Variants in CFAP20 observed in about 807,000 individuals in gnomAD.
CFAP20 encodes cilia- and flagella-associated protein 20.
In CFAP20, 14 loss-of-function variants were observed where a neutral mutation model predicts 25.5. The ratio of observed to expected loss-of-function variants is 0.55; its 90% CI spans 0.36 to 0.86. CFAP20 has a LOEUF of 0.86. Among genes scored for constraint, CFAP20 ranks in the 40% least tolerant of loss-of-function variants. CFAP20 has a pLI of 0.01. For synonymous variants in CFAP20, 75 were observed against 91.1 expected (o/e 0.82, Z 1.01); for missense variants, 181 against 248.0 (o/e 0.73, Z 1.81).
intron 1 of CFAP20, among the ~76,000 whole-genome samples, chr16:58,126,272 A>G (rs1264626264): frequency 6.6e-6 from 1 of 152,206 alleles, no homozygotes; most frequent in Non-Finnish European, 1.5e-5. Context: ...CAAGTTCTCA[A>G]TGAAAAGAAT....
In CFAP20 at chr16:58,113,883, A is replaced by G. The variant is rs776884914; in HGVS notation, c.*142T>C. The G allele has an allele frequency of 4.1e-6, 4 of 987,296 alleles. No individual in the cohort carries two copies. Among genetic ancestry groups the G allele is most frequent in the Non-Finnish European group, 6.3e-6 (4 of 632,242 alleles). The allele number at this position is 987,296 out of a possible 1,614,324, so 61.2% of individuals were successfully genotyped here. ...AGTTACGGCATGTTCACCGGTGTCC[A>G]TGACAAGCAACACCAAGTATAAATA... On this transcript the variant is annotated 3_prime_UTR_variant, in exon 6 of 6. Coordinates refer to ENST00000262498, the MANE Select transcript of CFAP20 (RefSeq NM_013242.3).
In CFAP20 at chr16:58,119,848, C is replaced by A. The variant is rs1000358958; in HGVS notation, c.85-2897G>T. Among the ~76,000 whole-genome samples, 193 of 137,186 alleles carry A rather than the reference C, an allele frequency of 1.4e-3. No homozygotes were observed. In the East Asian group the frequency reaches 0.034, roughly 24 times the overall value. The allele number at this position is 137,186 out of a possible 152,430, so 90.0% of individuals were successfully genotyped here. A position where few individuals can be genotyped will look rare whatever the true frequency, so the allele number is the denominator to read the frequency against. On this transcript the variant is annotated intron_variant, in intron 1 of 5. Coordinates refer to ENST00000262498, the MANE Select transcript of CFAP20 (RefSeq NM_013242.3). ...TAAGTGCCCACCTCACTCGCCATCTCATGTTCCCAACCTAAGTGCCCACCT... is the reference window on the plus strand; with the variant it reads ...TAAGTGCCCACCTCACTCGCCATCTAATGTTCCCAACCTAAGTGCCCACCT...
intron 5 of CFAP20, among the ~76,000 whole-genome samples, chr16:58,114,275 C>T (rs1960425256): frequency 6.6e-6 from 1 of 152,180 alleles, no homozygotes; most frequent in East Asian, 1.9e-4. Context: ...CGCCTGTAAT[C>T]CCAGCAGTTT....
chr16:58,114,993 C>T, intron 4 of CFAP20, 73 bp from the exon 5 acceptor site: 2 of 1,356,218 alleles, frequency 1.5e-6, no homozygotes, highest in Non-Finnish European at 2.1e-6. Context: ...TTCTAGAGGC[C>T]CTCTTCCAGG....
At chr16:58,121,991 G>C (rs577975912) in intron 1 of CFAP20, among the ~76,000 whole-genome samples, 1 of 152,200 alleles carries the variant, frequency 6.6e-6, no homozygotes, top group Non-Finnish European at 1.5e-5. Context: ...AATGACACAT[G>C]CTCTAATTTA....
intron 1 of CFAP20, among the ~76,000 whole-genome samples, chr16:58,120,833 C>A (rs918975445): frequency 2.0e-5 from 3 of 152,150 alleles, no homozygotes; most frequent in Admixed American, 6.5e-5. Context: ...AGATTTTGAA[C>A]CTGGCTGGTG....
At chr16:58,119,166 C>A (rs1162663267) in intron 1 of CFAP20, 1 of 152,210 alleles carries the variant, frequency 6.6e-6, no homozygotes, top group African/African-American at 2.4e-5. Flanking sequence ...CACTGTGAGT[C>A]TGATCCACTC....
intron 1 of CFAP20, among the ~76,000 whole-genome samples, chr16:58,120,320 T>C (rs1277381139): frequency 6.6e-6 from 1 of 152,242 alleles, no homozygotes. Context: ...AAAACTGCTA[T>C]TGCTAAAAAG....
At position 58,129,349 on chromosome 16, in the gene CFAP20, C is replaced by T. The variant is rs914632363; in HGVS notation, c.-234G>A. The T allele has an allele frequency of 1.4e-5, 7 of 502,726 alleles. No individual in the cohort carries two copies. The highest frequency in any genetic ancestry group is 9.7e-5 in the African/African-American group (5 of 51,558). The allele number at this position is 502,726 out of a possible 1,614,324, so 31.1% of individuals were successfully genotyped here. On this transcript the variant is annotated 5_prime_UTR_variant, in exon 1 of 6. Transcript: ENST00000262498. ...CTCAGAACGGAAACCACAGCAACTA[C>T]CGTCCGCGCCGCGGTATTTCCCCGC... is the stretch of plus-strand genomic sequence containing the variant.
At chr16:58,128,876 C>T (rs1960664085) in intron 1 of CFAP20, among the ~76,000 whole-genome samples, 156 bp downstream of exon 1, 1 of 150,234 alleles carries the variant, frequency 6.7e-6, no homozygotes, top group Non-Finnish European at 1.5e-5. Context: ...GCCCCCACCT[C>T]GCGCCCCAGT....
At chr16:58,126,848 C>T (rs117343535) in intron 1 of CFAP20, among the ~76,000 whole-genome samples, 1 of 152,214 alleles carries the variant, frequency 6.6e-6, no homozygotes, top group Non-Finnish European at 1.5e-5. Flanking sequence ...AAAAAGCACA[C>T]ACGACAAAGC....
chr16:58,120,015 A>C (rs1309871995), intron 1 of CFAP20, among the ~76,000 whole-genome samples: 8 of 152,124 alleles, frequency 5.3e-5, no homozygotes, highest in Admixed American at 4.6e-4. Flanking sequence ...TCCCAACCTA[A>C]GTGCCCACCT....
At chr16:58,120,376 A>C (rs1399854983) in intron 1 of CFAP20, among the ~76,000 whole-genome samples, 1 of 152,168 alleles carries the variant, frequency 6.6e-6, no homozygotes, top group Non-Finnish European at 1.5e-5. Flanking sequence ...ATGCCCTCAA[A>C]TTTCACATCA....
intron 1 of CFAP20, among the ~76,000 whole-genome samples, chr16:58,122,119 T>G: frequency 6.6e-6 from 1 of 152,160 alleles, no homozygotes; most frequent in East Asian, 1.9e-4. Flanking sequence ...TGAGCATAGC[T>G]CCGACTCAGA....
At chr16:58,125,068 C>CA (rs1373511054) in intron 1 of CFAP20, among the ~76,000 whole-genome samples, 1 of 152,148 alleles carries the variant, frequency 6.6e-6, no homozygotes, top group Non-Finnish European at 1.5e-5. Flanking sequence ...TTCAACTGCA[C>CA]AAAAATATTT....
At chr16:58,125,965 C>G (rs528244784) in intron 1 of CFAP20, among the ~76,000 whole-genome samples, 1 of 152,300 alleles carries the variant, frequency 6.6e-6, no homozygotes, top group Non-Finnish European at 1.5e-5. Context: ...ACTGAAACGC[C>G]ATCATGTGGT....
chr16:58,116,668 A>T, intron 2 of CFAP20: 1 of 544,816 alleles, frequency 1.8e-6, no homozygotes, highest in Non-Finnish European at 3.3e-6. Context: ...TAACCCTATA[A>T]GGAAAATGTA....
chr16:58,114,758 C>T lies in CFAP20; in HGVS notation c.576+52G>A, dbSNP rs186853438. On this transcript the variant is annotated intron_variant, in intron 5 of 5. Coordinates refer to ENST00000262498, the MANE Select transcript of CFAP20 (RefSeq NM_013242.3). ...CTTAGACCAGAGCACCTTCCAGGAACACAGCTCCCCCCACTCACTGGTGGA... is the reference window on the plus strand; with the variant it reads ...CTTAGACCAGAGCACCTTCCAGGAATACAGCTCCCCCCACTCACTGGTGGA... 151 of 1,453,878 alleles carry T rather than the reference C, an allele frequency of 1.0e-4. 1 individual carries two copies. In the Admixed American group the frequency reaches 2.5e-3, roughly 24 times the overall value. 90.1% of individuals were successfully genotyped at this position (1,453,878 alleles called of 1,614,324 possible). A position where few individuals can be genotyped will look rare whatever the true frequency, so the allele number is the denominator to read the frequency against.
chr16:58,123,544 C>A (rs1048332895), intron 1 of CFAP20, among the ~76,000 whole-genome samples: 1 of 127,678 alleles, frequency 7.8e-6, no homozygotes, highest in African/African-American at 2.9e-5. Flanking sequence ...TGCAGTGAGC[C>A]GAGATCGTGC....
Sources: allele counts gnomAD v4.1 joint callset (sites outside exome capture counted in the v4.1 genomes callset), GRCh38; gene constraint gnomAD v4.1.1; transcripts MANE v1.5; gene names NCBI Gene and HGNC (gene_info 2026-07-23, HGNC 2026-07-21).